Variants in ASPG observed in about 807,000 individuals in gnomAD.
ASPG encodes the protein asparaginase, also known as 60 kDa lysophospholipase.
Under a neutral mutation model 63.2 loss-of-function variants are expected in ASPG, and 53 were observed. The ratio of observed to expected loss-of-function variants is 0.84; its 90% CI spans 0.67 to 1.05. The LOEUF (loss-of-function observed/expected upper bound fraction) is 1.05. ASPG is among the 50% of genes least tolerant of loss of function. ASPG has a pLI of 0.00. For synonymous variants in ASPG, 370 were observed against 355.0 expected (o/e 1.04, Z -0.48); for missense variants, 741 against 794.4 (o/e 0.93, Z 0.81).
intron 6 of ASPG, among the ~76,000 whole-genome samples, chr14:104,100,076 C>T (rs1057426638): frequency 6.6e-5 from 10 of 152,298 alleles, no homozygotes; most frequent in South Asian, 2.1e-4. Flanking sequence ...TCTCCCGGTG[C>T]GGCAGAGGCT....
rs575900522 is a variant in ASPG at position 104,111,378 on chromosome 14, T to C, written c.1521-124T>C. The C allele has an allele frequency of 1.9e-4, 202 of 1,058,714 alleles. 2 individuals carry two copies. The East Asian group carries it at 5.3e-3, about 28-fold the overall frequency. The allele number at this position is 1,058,714 out of a possible 1,614,324, so 65.6% of individuals were successfully genotyped here. A position where few individuals can be genotyped will look rare whatever the true frequency, so the allele number is the denominator to read the frequency against. On this transcript the variant is annotated intron_variant, in intron 13 of 15. Transcript: ENST00000551177. The stretch of plus-strand genomic sequence containing the variant: ...GACTCCTGCCCCAGGACCAGGTCGC[T>C]GCTGGGTCAGCTGTTTGGGGCTGGC...
chr14:104,112,950 C>T lies in ASPG; in HGVS notation c.*406C>T, dbSNP rs762906694. ...CCTGCCTTTGCCCAGGCTGGTCCCTCCTCCAGACACCCTCTGCCCATCTCC... is the reference window on the plus strand; with the variant it reads ...CCTGCCTTTGCCCAGGCTGGTCCCTTCTCCAGACACCCTCTGCCCATCTCC... On this transcript the variant is annotated 3_prime_UTR_variant, in exon 16 of 16. Coordinates refer to ENST00000551177, the MANE Select transcript of ASPG (RefSeq NM_001080464.3). The T allele has an allele frequency of 8.2e-4, 248 of 303,248 alleles. 2 individuals carry two copies. Among genetic ancestry groups the T allele is most frequent in the Middle Eastern group, 8.0e-3 (7 of 876 alleles). The allele number at this position is 303,248 out of a possible 1,614,324, so 18.8% of individuals were successfully genotyped here. A position where few individuals can be genotyped will look rare whatever the true frequency, so the allele number is the denominator to read the frequency against.
intron 2 of ASPG, chr14:104,093,152 G>A (rs1012429588): frequency 7.2e-5 from 36 of 496,962 alleles, no homozygotes; most frequent in South Asian, 1.1e-4. Flanking sequence ...AGTTGCCCTC[G>A]TGGTGGCTGA....
rs1034727710 is a variant in ASPG, at chr14:104,106,702, G to A, written c.1174-97G>A. 8 of 1,117,114 alleles carry A rather than the reference G, an allele frequency of 7.2e-6. No homozygotes were observed. The African/African-American group carries it at 1.1e-4, about 15-fold the overall frequency. 69.2% of individuals were successfully genotyped at this position (1,117,114 alleles called of 1,614,324 possible). On this transcript the variant is annotated intron_variant, in intron 10 of 15. Coordinates refer to ENST00000551177, the MANE Select transcript of ASPG (RefSeq NM_001080464.3). Reference sequence around the variant, plus strand: ...CGCCCTGGGATCTGCGGGCCCTTGTGTGGGGGCTGGCAGGGGTCATACAGC... The same window carrying A: ...CGCCCTGGGATCTGCGGGCCCTTGTATGGGGGCTGGCAGGGGTCATACAGC...
Position 104,107,169 on chromosome 14 carries a change from TG to T in ASPG, c.1270-12del, listed in dbSNP as rs2037169471. ...GTCTCCCTCAGGGGTCGCATGTCCT[TG>T]TGTTACTCCAGGGCAGTGACCTGGG... On this transcript the variant is annotated splice_polypyrimidine_tract_variant and intron_variant, in intron 11 of 15. Transcript: ENST00000551177. 6.5e-7 allele frequency: 1 copy of T among 1,545,196 alleles called. No individual in the cohort carries two copies. The highest frequency in any genetic ancestry group is 1.9e-5 in the Admixed American group (1 of 51,744).
chr14:104,103,442 C>A (rs911268321), intron 6 of ASPG, 121 bp from the exon 7 acceptor site: 2 of 846,712 alleles, frequency 2.4e-6, no homozygotes, highest in South Asian at 1.8e-5. Context: ...GGCTGAGCCG[C>A]GAAGGCTCAG....
chr14:104,103,529 T>C (rs1555383924), intron 6 of ASPG, 34 bp from the exon 7 acceptor site: 1 of 1,530,746 alleles, frequency 6.5e-7, no homozygotes, highest in Non-Finnish European at 8.8e-7. Context: ...GCAGGAGGCC[T>C]GAAGGCACCA....
In ASPG at chr14:104,095,644, C is replaced by T. The variant is rs1254709151; in HGVS notation, c.417C>T (p.Leu139=). ...AGAACCTGCAGAAGACTGTCATCCT[C>T]ACTGGGGCCCAGGTAATCCCAGGGG... The part of the protein sequence containing the change: ...MLENLQKTVI[L]TGAQVPIHAL... Residue 139 remains leucine, a synonymous_variant, in exon 4 of 16, where the codon CTC becomes CTT. Transcript: ENST00000551177. 1 of 1,612,846 alleles carries T rather than the reference C, an allele frequency of 6.2e-7. No homozygotes were observed. Among genetic ancestry groups the T allele is most frequent in the East Asian group, 2.2e-5 (1 of 44,870 alleles).
At chr14:104,100,200 G>A (rs546785788) in intron 6 of ASPG, among the ~76,000 whole-genome samples, 22 of 152,320 alleles carry the variant, frequency 1.4e-4, no homozygotes, top group Admixed American at 1.1e-3. Context: ...GGACCCTGGG[G>A]AGCTTCAGGG....
rs762424237 is a variant in ASPG, at chr14:104,104,412, G to A, written c.862G>A (p.Glu288Lys). 1.3e-5 allele frequency: 21 copies of A among 1,612,490 alleles called. No homozygotes were observed. The highest frequency in any genetic ancestry group is 3.3e-5 in the South Asian group (3 of 91,086). ...DLLQELRVATERGLVIVNCTH... is the reference protein window; with the variant it reads ...DLLQELRVATKRGLVIVNCTH... The stretch of plus-strand genomic sequence containing the variant: ...GCTGCAGGAGCTGCGGGTGGCCACC[G>A]AGCGCGGCCTGGTCATCGTCAACTG... The change falls in exon 8 of 16, where the codon GAG becomes AAG. Residue 288 changes from glutamate (E) to lysine (K), a missense_variant. Transcript: ENST00000551177.
chr14:104,089,791 A>C (rs951125024), intron 1 of ASPG, among the ~76,000 whole-genome samples: 1 of 151,998 alleles, frequency 6.6e-6, no homozygotes, highest in African/African-American at 2.4e-5. Context: ...TCTACTAAAA[A>C]TAAAAAATTA....
intron 3 of ASPG, among the ~76,000 whole-genome samples, 177 bp downstream of exon 3, chr14:104,093,779 G>A (rs1429700742): frequency 2.7e-5 from 4 of 148,448 alleles, no homozygotes; most frequent in Non-Finnish European, 6.0e-5. Flanking sequence ...GAGTGTGGGC[G>A]GGGCTGTGGA....
intron 6 of ASPG, among the ~76,000 whole-genome samples, chr14:104,102,850 C>T (rs1212621366): frequency 1.3e-5 from 2 of 152,174 alleles, no homozygotes; most frequent in Non-Finnish European, 2.9e-5. Flanking sequence ...GGGGCACTGA[C>T]CCCAAATAGC....
chr14:104,101,085 G>T (rs7158957), intron 6 of ASPG, among the ~76,000 whole-genome samples: 64 of 152,296 alleles, frequency 4.2e-4, no homozygotes, highest in African/African-American at 1.5e-3. Context: ...GCTCCTGGGC[G>T]CAGCACTAAG....
chr14:104,093,234 C>G (rs577988050), intron 2 of ASPG: 3 of 570,876 alleles, frequency 5.3e-6, no homozygotes, highest in South Asian at 2.0e-5. Flanking sequence ...TCCCAGCCCC[C>G]CTCTTCGAGC....
At chr14:104,097,898 A>G (rs1424827694) in intron 5 of ASPG, among the ~76,000 whole-genome samples, 27 of 141,548 alleles carry the variant, frequency 1.9e-4, no homozygotes, top group Non-Finnish European at 1.6e-4. Context: ...GTTCTGCGTT[A>G]GAGATGCGTA....
At chr14:104,090,227 T>C (rs911149550) in intron 1 of ASPG, among the ~76,000 whole-genome samples, 1 of 152,220 alleles carries the variant, frequency 6.6e-6, no homozygotes, top group Non-Finnish European at 1.5e-5. Context: ...GCAGGGCCCA[T>C]ATCCACGCCT....
In ASPG at chr14:104,104,666, G is replaced by C. The variant is rs371432546; in HGVS notation, c.981G>C (p.Ser327=). The part of the protein sequence containing the change: ...AGVISGFDMT[S]EAALAKLSYV... The stretch of plus-strand genomic sequence containing the variant: ...TCATCTCAGGCTTCGACATGACATC[G>C]GAGGCCGCCCTGGCCAAGCTATCGT... Residue 327 remains serine (S), a synonymous_variant, in exon 9 of 16, where the codon TCG becomes TCC. Transcript: ENST00000551177. The C allele has an allele frequency of 5.6e-6, 9 of 1,611,044 alleles. No individual in the cohort carries two copies.
intron 12 of ASPG, chr14:104,108,956 G>A: frequency 1.0e-6 from 1 of 985,348 alleles, no homozygotes; most frequent in East Asian, 1.1e-4. Context: ...CTGGGTGCGG[G>A]GCTGCCACAG....
Sources: allele counts gnomAD v4.1 joint callset (sites outside exome capture counted in the v4.1 genomes callset), GRCh38; gene constraint gnomAD v4.1.1; transcripts MANE v1.5; gene names NCBI Gene and HGNC (gene_info 2026-07-23, HGNC 2026-07-21).